DOK6: variants seen among roughly 807,000 people sequenced by gnomAD.
The protein encoded by DOK6 is docking protein 6, also known as downstream of tyrosine kinase 6.
A neutral mutation model predicts 44.0 loss-of-function variants in DOK6; 22 were observed. That is an observed-to-expected ratio of 0.50 (90% confidence interval 0.36 to 0.71). The LOEUF (loss-of-function observed/expected upper bound fraction) is 0.71, where lower values mean the gene tolerates loss of function less well. Ranked by LOEUF, DOK6 falls within the 30% of genes least tolerant of loss-of-function variation. DOK6 has a pLI of 0.00. For missense variants in DOK6, 340 were observed against 416.4 expected (o/e 0.82, Z 1.60); for synonymous variants, 166 against 145.5 (o/e 1.14, Z -1.01).
At chr18:69,670,007 G>A (rs143251432) in intron 3 of DOK6, among the ~76,000 whole-genome samples, 5 of 152,214 alleles carry the variant, frequency 3.3e-5, no homozygotes, top group South Asian at 2.1e-4. Flanking sequence ...TTATAGTTCC[G>A]AAGGACAAAA....
chr18:69,578,941 T>C (rs1039815733), intron 2 of DOK6, among the ~76,000 whole-genome samples: 2 of 152,194 alleles, frequency 1.3e-5, no homozygotes, highest in African/African-American at 4.8e-5. Flanking sequence ...CAAATTTATA[T>C]AGTATTTTAA....
At chr18:69,666,226 T>C (rs1985653937) in intron 3 of DOK6, among the ~76,000 whole-genome samples, 1 of 152,186 alleles carries the variant, frequency 6.6e-6, no homozygotes, top group South Asian at 2.1e-4. Context: ...TAATATTCTA[T>C]CTTCCAACTC....
intron 1 of DOK6, among the ~76,000 whole-genome samples, chr18:69,479,274 A>G (rs570778842): frequency 6.6e-6 from 1 of 152,252 alleles, no homozygotes; most frequent in African/African-American, 2.4e-5. Context: ...AAATATGAGA[A>G]TAAAAATCAA....
At chr18:69,404,880 C>T (rs1916172279) in intron 1 of DOK6, among the ~76,000 whole-genome samples, 1 of 151,848 alleles carries the variant, frequency 6.6e-6, no homozygotes, top group South Asian at 2.1e-4. Flanking sequence ...GCAGTGTACA[C>T]TGGTGTTTGT....
intron 3 of DOK6, among the ~76,000 whole-genome samples, chr18:69,639,111 A>G (rs4353555): frequency 0.41 from 62,782 of 151,976 alleles, 13,671 homozygotes; most frequent in East Asian, 0.66. Flanking sequence ...AGTCTAGAAG[A>G]TGCAAATAAA....
At chr18:69,415,731 C>A (rs1053311679) in intron 1 of DOK6, among the ~76,000 whole-genome samples, 2 of 151,890 alleles carry the variant, frequency 1.3e-5, no homozygotes, top group Non-Finnish European at 1.5e-5. Flanking sequence ...GAGATAAATT[C>A]TGATTTTGGA....
At chr18:69,520,561 A>C (rs1550594) in intron 1 of DOK6, among the ~76,000 whole-genome samples, 85,496 of 151,554 alleles carry the variant, frequency 0.56, 24,754 homozygotes, top group Non-Finnish European at 0.64. Flanking sequence ...CATGATGCCT[A>C]AAGTTGAAAA....
intron 3 of DOK6, among the ~76,000 whole-genome samples, chr18:69,629,968 G>A (rs147142908): frequency 5.3e-5 from 8 of 152,054 alleles, no homozygotes; most frequent in African/African-American, 1.7e-4. Context: ...GTTTCACCGC[G>A]TTGGCCAGGC....
chr18:69,524,542 T>C (rs1981776643), intron 1 of DOK6, among the ~76,000 whole-genome samples: 2 of 151,944 alleles, frequency 1.3e-5, no homozygotes, highest in Non-Finnish European at 2.9e-5. Context: ...GCTAAATAGG[T>C]TCTAATTAGA....
At position 69,844,912 on chromosome 18, in the gene DOK6, G is replaced by A. The variant is rs1026309729; in HGVS notation, c.*3529G>A. ...AAAATCTTTCATCACCTATAAAATGGTGAGCCTCTTGTACTTTCTATTCAG... is the reference window on the plus strand; with the variant it reads ...AAAATCTTTCATCACCTATAAAATGATGAGCCTCTTGTACTTTCTATTCAG... On this transcript the variant is annotated 3_prime_UTR_variant, in exon 8 of 8. Coordinates refer to ENST00000382713, the MANE Select transcript of DOK6 (RefSeq NM_152721.6). The A allele has an allele frequency of 4.6e-5, 7 of 152,138 alleles. No homozygotes were observed. The highest frequency in any genetic ancestry group is 1.7e-4 in the African/African-American group (7 of 41,416). 9.4% of individuals were successfully genotyped at this position (152,138 alleles called of 1,614,324 possible).
Position 69,409,365 on chromosome 18 carries a change from A to T in DOK6, c.66+8055A>T, listed in dbSNP as rs186404308. Among the ~76,000 whole-genome samples the T allele has an allele frequency of 4.6e-5, 7 of 152,290 alleles. No individual in the cohort carries two copies. The East Asian group carries it at 7.7e-4, about 17-fold the overall frequency. Reference sequence around the variant, plus strand: ...GTAATTTTTTCCTAACGATTTTTCCATTGTAAATATGGAATTGCTTTTTTC... The same window carrying T: ...GTAATTTTTTCCTAACGATTTTTCCTTTGTAAATATGGAATTGCTTTTTTC... On this transcript the variant is annotated intron_variant, in intron 1 of 7. Transcript: ENST00000382713.
intron 1 of DOK6, among the ~76,000 whole-genome samples, chr18:69,560,421 A>G (rs1982800126): frequency 1.3e-5 from 2 of 151,904 alleles, no homozygotes; most frequent in Non-Finnish European, 2.9e-5. Context: ...TTTTCTTTTC[A>G]GTCATGTATT....
intron 6 of DOK6, among the ~76,000 whole-genome samples, chr18:69,745,994 T>TA (rs1392108188): frequency 1.3e-5 from 2 of 152,240 alleles, no homozygotes; most frequent in Non-Finnish European, 2.9e-5. Flanking sequence ...AATTTGATTT[T>TA]AAATCACTAA....
At chr18:69,527,901 A>AC (rs1981874817) in intron 1 of DOK6, among the ~76,000 whole-genome samples, 1 of 152,044 alleles carries the variant, frequency 6.6e-6, no homozygotes, top group Non-Finnish European at 1.5e-5. Context: ...GGTGGCTCAC[A>AC]CCTGTAATCC....
intron 1 of DOK6, among the ~76,000 whole-genome samples, chr18:69,538,847 TC>T (rs1172558548): frequency 6.6e-6 from 1 of 152,012 alleles, no homozygotes; most frequent in African/African-American, 2.4e-5. Context: ...GATCCCTTTT[TC>T]CTCTCCAGCC....
At position 69,457,142 on chromosome 18, in the gene DOK6, C is replaced by T. The variant is rs984178085; in HGVS notation, c.66+55832C>T. ...TAGTTTCTTTCACTGTGTGAATGTT[C>T]TTTATTTTAATTAGGTCCTACTTGT... On this transcript the variant is annotated intron_variant, in intron 1 of 7. Transcript: ENST00000382713. 9.9e-5 allele frequency among the ~76,000 whole-genome samples: 15 copies of T among 152,050 alleles called. 1 individual carries two copies. Among genetic ancestry groups the T allele is most frequent in the African/African-American group, 3.6e-4 (15 of 41,394 alleles).
chr18:69,710,488 T>G (rs1469339267), intron 5 of DOK6, among the ~76,000 whole-genome samples: 2 of 152,244 alleles, frequency 1.3e-5, no homozygotes, highest in Non-Finnish European at 2.9e-5. Flanking sequence ...ATAACATAGC[T>G]TTGCTAATAC....
chr18:69,832,409 T>G (rs1296958463), intron 7 of DOK6: 1 of 152,194 alleles, frequency 6.6e-6, no homozygotes, highest in East Asian at 1.9e-4. Context: ...CTCTTTAATG[T>G]GTTGTTTAAT....
chr18:69,573,385 G>A (rs896772419), intron 2 of DOK6, among the ~76,000 whole-genome samples: 2 of 151,870 alleles, frequency 1.3e-5, no homozygotes, highest in African/African-American at 4.8e-5. Context: ...TTTTGTAACT[G>A]TGTTCAGTAG....
Sources: gnomAD v4.1 joint callset for allele counts (sites outside exome capture counted in the v4.1 genomes callset) on GRCh38, gnomAD v4.1.1 for gene constraint, MANE v1.5 for transcripts, NCBI Gene and HGNC (gene_info 2026-07-23, HGNC 2026-07-21) for gene names.